NOX5: variants seen among roughly 807,000 people sequenced by gnomAD.
NOX5 encodes NADPH oxidase, EF-hand calcium binding domain 5.
In NOX5, 76 loss-of-function variants were observed where a neutral mutation model predicts 85.7. The ratio of observed to expected loss-of-function variants is 0.89; its 90% CI spans 0.74 to 1.07. The LOEUF (loss-of-function observed/expected upper bound fraction) is 1.07. Among genes scored for constraint, NOX5 ranks in the 50% least tolerant of loss-of-function variants. NOX5 has a pLI of 0.00. For synonymous variants in NOX5, 405 were observed against 401.4 expected, an observed-to-expected ratio of 1.01 and a Z score of -0.11; for missense variants, 973 against 999.5, an observed-to-expected ratio of 0.97 and a Z score of 0.36.
chr15:69,053,453 T>A (rs1339669793), intron 14 of NOX5, among the ~76,000 whole-genome samples: 7 of 152,206 alleles, frequency 4.6e-5, no homozygotes, highest in Non-Finnish European at 7.3e-5. Context: ...GTGCTAGTAG[T>A]AATAAGTGTT....
At chr15:69,031,029 G>GT (rs1356482630) in intron 3 of NOX5, 2 of 155,728 alleles carry the variant, frequency 1.3e-5, no homozygotes, top group African/African-American at 4.8e-5. Context: ...TCTGTTGGTA[G>GT]TTTTGGCTTC....
At position 69,026,559 on chromosome 15, in the gene NOX5, C is replaced by T. The variant is rs1355689525; in HGVS notation, c.82C>T (p.Leu28Phe). The change falls in exon 2 of 16, where the codon CTC (leucine) becomes TTC (phenylalanine). Residue 28 changes from leucine to phenylalanine, a missense_variant. Coordinates refer to ENST00000388866, the MANE Select transcript of NOX5 (RefSeq NM_024505.4). ...TMSAEEDARWLRWVTQQFKTI... is the reference protein window; with the variant it reads ...TMSAEEDARWFRWVTQQFKTI... ...GAGTGCCGAGGAGGATGCCAGGTGG[C>T]TCCGGTGGGTGACTCAGCAGTTTAA... is the stretch of plus-strand genomic sequence containing the variant. The T allele has an allele frequency of 6.2e-7, 1 of 1,614,190 alleles. No homozygotes were observed. Among genetic ancestry groups the T allele is most frequent in the Non-Finnish European group, 8.5e-7 (1 of 1,180,032 alleles).
At position 69,056,774 on chromosome 15, in the gene NOX5, AC is replaced by A. The variant is rs545878074; in HGVS notation, c.*80del. On this transcript the variant is annotated 3_prime_UTR_variant, in exon 16 of 16. Coordinates refer to ENST00000388866, the MANE Select transcript of NOX5 (RefSeq NM_024505.4). ...CATTAGTATAAATGCCCCCACAGGG[AC>A]CAGCCTCAGATGACCCACCCAATAA... 665 of 1,551,486 alleles carry A rather than the reference AC, an allele frequency of 4.3e-4. 5 individuals carry two copies. In the African/African-American group the frequency reaches 8.5e-3, roughly 20 times the overall value.
At chr15:69,040,205 C>T (rs574669378) in intron 9 of NOX5, among the ~76,000 whole-genome samples, 48 of 152,372 alleles carry the variant, frequency 3.2e-4, no homozygotes, top group African/African-American at 1.1e-3. Flanking sequence ...CAATGTACCA[C>T]GGAACAAAGT....
chr15:69,026,758 G>T, intron 2 of NOX5, 107 bp downstream of exon 2: 1 of 1,487,156 alleles, frequency 6.7e-7, no homozygotes, highest in Non-Finnish European at 9.2e-7. Context: ...GGTTCCTGAG[G>T]TCTCCACCTT....
In NOX5 at chr15:69,056,754, G is replaced by A. The variant is rs199550699; in HGVS notation, c.*58G>A. The A allele has an allele frequency of 6.3e-6, 10 of 1,588,362 alleles. No homozygotes were observed. The East Asian group carries it at 8.9e-5, about 14-fold the overall frequency. ...ACCATGGGTCTGCTTCATTGCATTAGTATAAATGCCCCCACAGGGACCAGC... is the reference window on the plus strand; with the variant it reads ...ACCATGGGTCTGCTTCATTGCATTAATATAAATGCCCCCACAGGGACCAGC... On this transcript the variant is annotated 3_prime_UTR_variant, in exon 16 of 16. Coordinates refer to ENST00000388866, the MANE Select transcript of NOX5 (RefSeq NM_024505.4).
chr15:69,052,615 G>C (rs1397473864), intron 14 of NOX5, among the ~76,000 whole-genome samples: 2 of 152,138 alleles, frequency 1.3e-5, no homozygotes, highest in Admixed American at 1.3e-4. Flanking sequence ...AAATTCCTAT[G>C]ATAAACACAG....
In NOX5 at chr15:69,058,824, A is replaced by T. The variant is rs2050843951; in HGVS notation, c.*2128A>T. 1 of 152,372 alleles carries T rather than the reference A, an allele frequency of 6.6e-6. No homozygotes were observed. Among genetic ancestry groups the T allele is most frequent in the East Asian group, 1.9e-4 (1 of 5,182 alleles). 9.4% of individuals were successfully genotyped at this position (152,372 alleles called of 1,614,324 possible). A position where few individuals can be genotyped will look rare whatever the true frequency, so the allele number is the denominator to read the frequency against. ...CTTCATCAGGCTTGGGAAGGCTTGG[A>T]CAAAACGCTCTCTGGGGCACAGAAG... On this transcript the variant is annotated 3_prime_UTR_variant, in exon 16 of 16. Coordinates refer to ENST00000388866, the MANE Select transcript of NOX5 (RefSeq NM_024505.4).
At position 69,055,497 on chromosome 15, in the gene NOX5, C is replaced by T. The variant is rs764894879; in HGVS notation, c.2163C>T (p.Ser721=). 6.2e-7 allele frequency: 1 copy of T among 1,613,488 alleles called. No homozygotes were observed. Among genetic ancestry groups the T allele is most frequent in the Admixed American group, 1.7e-5 (1 of 60,010 alleles). The change falls in exon 15 of 16, where the codon AGC becomes AGT. Residue 721 remains serine (S), a synonymous_variant. Coordinates refer to ENST00000388866, the MANE Select transcript of NOX5 (RefSeq NM_024505.4). The part of the protein sequence containing the change: ...TRTQPGRPDW[S]KVFQKVAAEK... Reference sequence around the variant, plus strand: ...CCCAGCCTGGGCGGCCTGACTGGAGCAAGGTAATGCCAACTGGAGCCCTGC... The same window carrying T: ...CCCAGCCTGGGCGGCCTGACTGGAGTAAGGTAATGCCAACTGGAGCCCTGC...
intron 1 of NOX5, among the ~76,000 whole-genome samples, chr15:69,025,306 C>A (rs1340365230): frequency 6.6e-6 from 1 of 151,698 alleles, no homozygotes; most frequent in Admixed American, 6.6e-5. Flanking sequence ...CACAGTACAG[C>A]CTTTGCTCGC....
At chr15:69,053,401 G>T (rs1437104130) in intron 14 of NOX5, among the ~76,000 whole-genome samples, 1 of 152,130 alleles carries the variant, frequency 6.6e-6, no homozygotes, top group African/African-American at 2.4e-5. Context: ...TGGTGGTGGT[G>T]GTGGTAATAG....
chr15:69,049,159 T>A, intron 14 of NOX5, 101 bp downstream of exon 14: 1 of 655,382 alleles, frequency 1.5e-6, no homozygotes, highest in Non-Finnish European at 2.5e-6. Context: ...TAACCTAAAA[T>A]GAACCATTTA....
chr15:69,054,628 A>G (rs1328952499), intron 14 of NOX5, among the ~76,000 whole-genome samples: 1 of 152,158 alleles, frequency 6.6e-6, no homozygotes, highest in Non-Finnish European at 1.5e-5. Flanking sequence ...AGTCCTTCTT[A>G]GCATGCCTTC....
intron 1 of NOX5, among the ~76,000 whole-genome samples, chr15:69,021,837 T>A (rs1335111005): frequency 6.6e-6 from 1 of 152,188 alleles, no homozygotes; most frequent in East Asian, 1.9e-4. Flanking sequence ...TTCTTCTTAG[T>A]TTTTTAAAAG....
intron 1 of NOX5, among the ~76,000 whole-genome samples, chr15:69,019,368 A>G (rs898239825): frequency 6.6e-6 from 1 of 152,190 alleles, no homozygotes; most frequent in African/African-American, 2.4e-5. Flanking sequence ...TCTTGACTCT[A>G]TCAATGTCAG....
intron 1 of NOX5, among the ~76,000 whole-genome samples, chr15:69,025,081 T>C (rs1387217258): frequency 2.0e-5 from 3 of 152,202 alleles, no homozygotes; most frequent in Non-Finnish European, 4.4e-5. Flanking sequence ...TCAGAACCAT[T>C]GTTCTTAGAA....
chr15:69,048,842 T>A (rs531477122), intron 13 of NOX5, 117 bp from the exon 14 acceptor site: 1 of 637,248 alleles, frequency 1.6e-6, no homozygotes, highest in Non-Finnish European at 2.8e-6. Flanking sequence ...CTTAAATGGG[T>A]ATCTGAATGT....
At chr15:69,017,094 C>A (rs1056819009) in intron 1 of NOX5, among the ~76,000 whole-genome samples, 5 of 152,060 alleles carry the variant, frequency 3.3e-5, no homozygotes, top group African/African-American at 9.7e-5. Context: ...AATGACGAAA[C>A]CTTGGTCTCC....
At chr15:69,030,933 GGTGT>G (rs2050420682) in intron 3 of NOX5, 1 of 152,552 alleles carries the variant, frequency 6.6e-6, no homozygotes, top group African/African-American at 2.4e-5. Flanking sequence ...TGCCACACTG[GGTGT>G]GTCCATATCC....
Sources: gnomAD v4.1 joint callset for allele counts (sites outside exome capture counted in the v4.1 genomes callset) on GRCh38, gnomAD v4.1.1 for gene constraint, MANE v1.5 for transcripts, NCBI Gene and HGNC (gene_info 2026-07-23, HGNC 2026-07-21) for gene names.